The following SOX6 variants were observed in gnomAD, a reference collection of about 807,000 sequenced individuals.
SOX6 encodes the protein transcription factor SOX-6.
A neutral mutation model predicts 97.8 loss-of-function variants in SOX6; 11 were observed. That is an observed-to-expected ratio of 0.11 (90% confidence interval 0.07 to 0.19). SOX6 has a LOEUF of 0.19. Ranked by LOEUF, SOX6 falls within the 10% of genes least tolerant of loss-of-function variation. SOX6 has a pLI of 1.00. For missense variants in SOX6, 810 were observed against 1,039.5 expected (o/e 0.78, Z 3.04); for synonymous variants, 360 against 371.4 (o/e 0.97, Z 0.35).
At chr11:16,141,151 A>G (rs574810918) in intron 6 of SOX6, among the ~76,000 whole-genome samples, 60 of 152,280 alleles carry the variant, frequency 3.9e-4, no homozygotes, top group African/African-American at 1.4e-3. Flanking sequence ...TGCTCAGTAT[A>G]TATGAGTGGT....
intron 4 of SOX6, among the ~76,000 whole-genome samples, chr11:16,193,515 G>C (rs1318304356): frequency 6.6e-6 from 1 of 152,184 alleles, no homozygotes; most frequent in Non-Finnish European, 1.5e-5. Context: ...TCCTGTATTA[G>C]ATCAATGCAC....
chr11:16,194,112 T>C (rs1851705668), intron 4 of SOX6, among the ~76,000 whole-genome samples: 1 of 152,236 alleles, frequency 6.6e-6, no homozygotes, highest in Non-Finnish European at 1.5e-5. Flanking sequence ...AAAGTTACTT[T>C]GTGGTGACTG....
At chr11:16,308,815 A>G (rs2134286076) in intron 3 of SOX6, among the ~76,000 whole-genome samples, 1 of 152,310 alleles carries the variant, frequency 6.6e-6, no homozygotes, top group South Asian at 2.1e-4. Context: ...CCAGTAGAAG[A>G]ACGACGATAT....
intron 4 of SOX6, among the ~76,000 whole-genome samples, chr11:16,203,434 G>T (rs979245505): frequency 6.6e-6 from 1 of 152,018 alleles, no homozygotes; most frequent in African/African-American, 2.4e-5. Context: ...AAGAGTTTTT[G>T]GCCAATATAT....
In SOX6 at chr11:16,243,442, T is replaced by G. The variant is rs188922841; in HGVS notation, c.446-8771A>C. Among the ~76,000 whole-genome samples, 512 of 152,044 alleles carry G rather than the reference T, an allele frequency of 3.4e-3. 10 individuals are homozygous for G. The highest frequency in any genetic ancestry group is 0.028 in the Admixed American group (422 of 15,210). On this transcript the variant is annotated intron_variant, in intron 3 of 15. Transcript: ENST00000683767. ...CTCTGCACATAATAAGTGCTAAAAC[T>G]AATTCCTTGATATACATAAAAAGAT...
intron 3 of SOX6, among the ~76,000 whole-genome samples, chr11:16,270,728 A>T (rs945561933): frequency 2.6e-5 from 4 of 151,374 alleles, no homozygotes; most frequent in African/African-American, 9.7e-5. Flanking sequence ...AGCATAAATG[A>T]ATCTTGAAAA....
chr11:16,501,465 C>G (rs1341568135), intron 4 of SOX6, among the ~76,000 whole-genome samples: 1 of 152,120 alleles, frequency 6.6e-6, no homozygotes, highest in Non-Finnish European at 1.5e-5. Context: ...CAAATGGGAT[C>G]TAATTAAACT....
At chr11:16,694,551 T>C (rs544036936) in intron 3 of SOX6, among the ~76,000 whole-genome samples, 16 of 152,272 alleles carry the variant, frequency 1.1e-4, no homozygotes, top group African/African-American at 3.8e-4. Context: ...TAAAAGATCA[T>C]TCCTAACCTC....
chr11:16,167,024 A>T (rs1294361940), intron 6 of SOX6, among the ~76,000 whole-genome samples: 1 of 152,216 alleles, frequency 6.6e-6, no homozygotes, highest in East Asian at 1.9e-4. Flanking sequence ...GTACATTTTC[A>T]GTCCTTATCT....
intron 6 of SOX6, among the ~76,000 whole-genome samples, chr11:16,182,902 T>A (rs953919040): frequency 6.6e-5 from 10 of 151,774 alleles, no homozygotes; most frequent in African/African-American, 2.2e-4. Flanking sequence ...CTCATGCTAC[T>A]GATTTTTTTT....
At chr11:16,287,298 T>TCTCTCACA (rs1554953497) in intron 3 of SOX6, among the ~76,000 whole-genome samples, 3 of 123,450 alleles carry the variant, frequency 2.4e-5, no homozygotes, top group Admixed American at 8.4e-5. Flanking sequence ...TCTCTCTCTC[T>TCTCTCACA]CACACACACA....
chr11:16,680,304 C>A (rs1247241992), intron 3 of SOX6, among the ~76,000 whole-genome samples: 2 of 152,166 alleles, frequency 1.3e-5, no homozygotes, highest in African/African-American at 2.4e-5. Flanking sequence ...GGCCAATATT[C>A]AACATTCTTA....
rs1043938303 is a variant in SOX6 at position 15,972,523 on chromosome 11, T to A, written c.*286A>T. 1 of 447,990 alleles carries A rather than the reference T, an allele frequency of 2.2e-6. No homozygotes were observed. Among genetic ancestry groups the A allele is most frequent in the Non-Finnish European group, 4.0e-6 (1 of 248,732 alleles). 27.8% of individuals were successfully genotyped at this position (447,990 alleles called of 1,614,324 possible). A position where few individuals can be genotyped will look rare whatever the true frequency, so the allele number is the denominator to read the frequency against. ...AAGTAAGACAAAAATATAAGACTTG[T>A]AAGACATCTACGGGTTGAGATAAGT... On this transcript the variant is annotated 3_prime_UTR_variant, in exon 16 of 16. Coordinates refer to ENST00000683767, the MANE Select transcript of SOX6 (RefSeq NM_001367873.1).
At chr11:15,975,057 G>T (rs918396781) in intron 15 of SOX6, among the ~76,000 whole-genome samples, 1 of 152,142 alleles carries the variant, frequency 6.6e-6, no homozygotes, top group African/African-American at 2.4e-5. Context: ...TCATAAAAAT[G>T]CCTGACTTCT....
At chr11:16,050,309 A>G (rs1847655393) in intron 10 of SOX6, among the ~76,000 whole-genome samples, 1 of 152,210 alleles carries the variant, frequency 6.6e-6, no homozygotes, top group South Asian at 2.1e-4. Context: ...ACTCTCTCTG[A>G]AAAGTTCTTG....
chr11:16,245,404 G>GT, intron 3 of SOX6, among the ~76,000 whole-genome samples: 1 of 151,606 alleles, frequency 6.6e-6, no homozygotes. Context: ...TTATCCAGAT[G>GT]TTTTTTAGTG....
At chr11:16,699,600 C>T (rs1265916887) in intron 3 of SOX6, among the ~76,000 whole-genome samples, 3 of 152,106 alleles carry the variant, frequency 2.0e-5, no homozygotes, top group African/African-American at 7.2e-5. Context: ...TATCTACATG[C>T]ATTAAATATT....
At chr11:16,730,367 G>C (rs985337228) in intron 2 of SOX6, among the ~76,000 whole-genome samples, 1 of 152,068 alleles carries the variant, frequency 6.6e-6, no homozygotes, top group African/African-American at 2.4e-5. Context: ...CTCAGCAAAA[G>C]CAAAAGAACG....
At chr11:16,441,456 T>C (rs1859500999) in intron 1 of SOX6, among the ~76,000 whole-genome samples, 1 of 152,146 alleles carries the variant, frequency 6.6e-6, no homozygotes, top group African/African-American at 2.4e-5. Context: ...TGCTTTTGTA[T>C]TGAGAGGTCA....
Sources: gnomAD v4.1 joint callset for allele counts (sites outside exome capture counted in the v4.1 genomes callset) on GRCh38, gnomAD v4.1.1 for gene constraint, MANE v1.5 for transcripts, NCBI Gene and HGNC (gene_info 2026-07-23, HGNC 2026-07-21) for gene names.